MYCBP2: variants seen among roughly 807,000 people sequenced by gnomAD.
MYCBP2 encodes MYC binding protein 2.
A neutral mutation model predicts 525.3 loss-of-function variants in MYCBP2; 120 were observed. The observed-to-expected ratio is 0.23, with a 90% CI of 0.20 to 0.27. MYCBP2 has a LOEUF of 0.27. Among genes scored for constraint, MYCBP2 ranks in the 10% least tolerant of loss-of-function variants. MYCBP2 has a pLI of 1.00. For synonymous variants in MYCBP2, 1,894 were observed against 1,955.8 expected (o/e 0.97, Z 0.83); for missense variants, 4,149 against 5,657.1 (o/e 0.73, Z 8.55).
intron 1 of MYCBP2, among the ~76,000 whole-genome samples, chr13:77,307,037 A>C (rs918618267): frequency 6.6e-6 from 1 of 152,236 alleles, no homozygotes; most frequent in Non-Finnish European, 1.5e-5. Context: ...AGGTGGATTT[A>C]AGTGTACAGG....
chr13:77,246,942 A>G (rs1372336502), intron 15 of MYCBP2, among the ~76,000 whole-genome samples: 3 of 152,172 alleles, frequency 2.0e-5, no homozygotes, highest in Non-Finnish European at 4.4e-5. Flanking sequence ...AAAACAGTAG[A>G]CAAACTAGGA....
At chr13:77,199,425 A>C (rs1487517120) in intron 26 of MYCBP2, among the ~76,000 whole-genome samples, 1 of 152,236 alleles carries the variant, frequency 6.6e-6, no homozygotes. Context: ...CTAGCACAGC[A>C]GTCTGAGATC....
chr13:77,088,008 T>C (rs1282846667), intron 61 of MYCBP2, among the ~76,000 whole-genome samples: 1 of 152,072 alleles, frequency 6.6e-6, no homozygotes, highest in African/African-American at 2.4e-5. Flanking sequence ...GGTCTCAAAC[T>C]CTTGCGCTCA....
intron 10 of MYCBP2, 145 bp downstream of exon 10, chr13:77,263,506 C>A: frequency 1.7e-6 from 1 of 583,052 alleles, no homozygotes; most frequent in Non-Finnish European, 2.8e-6. Flanking sequence ...CATATTAATT[C>A]AAAATTATCC....
rs763155753 is a variant in MYCBP2 at position 77,233,297 on chromosome 13, A to AC, written c.2630-35dup. 2.0e-6 allele frequency: 3 copies of AC among 1,493,488 alleles called. No individual in the cohort carries two copies. In the Admixed American group the frequency reaches 5.2e-5, roughly 26 times the overall value. The allele number at this position is 1,493,488 out of a possible 1,614,324, so 92.5% of individuals were successfully genotyped here. ...AAACATTTTGTATGTGCATAGAAAA[A>AC]CTCACAAAATGAAAACACTATAATG... On this transcript the variant is annotated intron_variant, in intron 17 of 82. Coordinates refer to ENST00000544440, the MANE Select transcript of MYCBP2 (RefSeq NM_015057.5).
At chr13:77,325,492 C>G (rs992623537) in intron 1 of MYCBP2, among the ~76,000 whole-genome samples, 7 of 152,128 alleles carry the variant, frequency 4.6e-5, no homozygotes, top group African/African-American at 1.7e-4. Flanking sequence ...CAAAAAAAAG[C>G]ACCCACATTT....
intron 26 of MYCBP2, among the ~76,000 whole-genome samples, chr13:77,195,353 T>C (rs908593536): frequency 6.6e-5 from 10 of 152,176 alleles, no homozygotes; most frequent in Non-Finnish European, 1.2e-4. Context: ...TCCTAGCACT[T>C]TGGGAGGCTG....
At chr13:77,085,276 T>C (rs183445681) in intron 62 of MYCBP2, among the ~76,000 whole-genome samples, 2 of 152,304 alleles carry the variant, frequency 1.3e-5, no homozygotes, top group Admixed American at 1.3e-4. Context: ...AATTCTTATA[T>C]ACTAGCAATA....
chr13:77,112,025 T>G (rs972725891), intron 55 of MYCBP2, among the ~76,000 whole-genome samples: 1 of 152,126 alleles, frequency 6.6e-6, no homozygotes, highest in African/African-American at 2.4e-5. Flanking sequence ...GGATAAAAGT[T>G]GATTCCCATG....
chr13:77,284,607 G>A (rs1419266854), intron 3 of MYCBP2, among the ~76,000 whole-genome samples: 1 of 152,090 alleles, frequency 6.6e-6, no homozygotes, highest in Non-Finnish European at 1.5e-5. Flanking sequence ...TCAGGTGATT[G>A]CACTGATTCT....
intron 27 of MYCBP2, among the ~76,000 whole-genome samples, chr13:77,192,412 T>C (rs1185934721): frequency 6.6e-6 from 1 of 152,120 alleles, no homozygotes; most frequent in Non-Finnish European, 1.5e-5. Flanking sequence ...TATACAAACA[T>C]TATTAATTTA....
chr13:77,211,987 T>G lies in MYCBP2; in HGVS notation c.3231A>C (p.Thr1077=). 1.2e-6 allele frequency: 2 copies of G among 1,614,082 alleles called. No individual in the cohort carries two copies. The highest frequency in any genetic ancestry group is 1.7e-6 in the Non-Finnish European group (2 of 1,179,950). Residue 1077 remains threonine (T), a synonymous_variant, in exon 22 of 83, where the codon ACA becomes ACC. Transcript: ENST00000544440. ...TGTGTTTACTGGCAAAAATTTCTGA[T>G]GTAGCAAGTACATGAGAATTAATAA... ...EALINSHVLA[T]SEIFASKHII... is the part of the protein sequence containing the mutation.
intron 4 of MYCBP2, among the ~76,000 whole-genome samples, chr13:77,275,979 G>A (rs768969277): frequency 6.6e-6 from 1 of 152,092 alleles, no homozygotes; most frequent in East Asian, 1.9e-4. Flanking sequence ...GCGAGACTCC[G>A]TCTCAAAAAA....
chr13:77,124,519 A>G (rs2154163989), intron 54 of MYCBP2, among the ~76,000 whole-genome samples: 1 of 152,308 alleles, frequency 6.6e-6, no homozygotes, highest in South Asian at 2.1e-4. Context: ...TATTTTTATA[A>G]TTCAAGTTGT....
At position 77,327,086 on chromosome 13, in the gene MYCBP2, T is replaced by A. The variant is rs533994056; in HGVS notation, c.-311A>T. 1 of 437,034 alleles carries A rather than the reference T, an allele frequency of 2.3e-6. No homozygotes were observed. Among genetic ancestry groups the A allele is most frequent in the East Asian group, 3.5e-5 (1 of 28,214 alleles). 27.1% of individuals were successfully genotyped at this position (437,034 alleles called of 1,614,324 possible). On this transcript the variant is annotated 5_prime_UTR_variant, in exon 1 of 83. Coordinates refer to ENST00000544440, the MANE Select transcript of MYCBP2 (RefSeq NM_015057.5). ...CCACCACCGCCGGGGCTACCCGCAA[T>A]GGGAAGCTGCCGGCCTCACAGAGCA...
chr13:77,191,261 A>T (rs1264159221), intron 28 of MYCBP2, among the ~76,000 whole-genome samples: 1 of 152,220 alleles, frequency 6.6e-6, no homozygotes, highest in Non-Finnish European at 1.5e-5. Context: ...AATTTTCCCT[A>T]TATTTTATTA....
chr13:77,288,021 C>G (rs1431045803), intron 3 of MYCBP2, 140 bp downstream of exon 3: 2 of 793,862 alleles, frequency 2.5e-6, no homozygotes, highest in African/African-American at 3.4e-5. Flanking sequence ...TGCTCCAAAT[C>G]TATTTTTGCC....
intron 68 of MYCBP2, among the ~76,000 whole-genome samples, chr13:77,074,867 T>C (rs1483292612): frequency 6.6e-6 from 1 of 152,180 alleles, no homozygotes; most frequent in Non-Finnish European, 1.5e-5. Flanking sequence ...GGTTGGGGGA[T>C]TGCCTGCAAA....
chr13:77,098,824 G>A lies in MYCBP2; in HGVS notation c.8330C>T (p.Ala2777Val). The A allele has an allele frequency of 8.7e-6, 14 of 1,613,630 alleles. No individual in the cohort carries two copies. Among genetic ancestry groups the A allele is most frequent in the Non-Finnish European group, 1.2e-5 (14 of 1,179,750 alleles). Residue 2777 changes from alanine (A) to valine (V), a missense_variant, in exon 56 of 83, where the codon GCA becomes GTA. This residue lies in a region of MYCBP2 where 653 missense variants were observed against 744.7 expected (regional missense o/e 0.88). Transcript: ENST00000544440. ...SESLILKSDA[A>V]KLRSDSHSRS... ...ACTGTGGGAATCTGACCTCAACTTT[G>A]CAGCATCAGATTTTAAGATGAGGGA...
Sources: allele counts gnomAD v4.1 joint callset (sites outside exome capture counted in the v4.1 genomes callset), GRCh38; gene constraint gnomAD v4.1.1; regional missense constraint gnomAD v4.1.1; transcripts MANE v1.5; gene names NCBI Gene and HGNC (gene_info 2026-07-23, HGNC 2026-07-21).